Variants in PKHD1 observed in about 807,000 individuals in gnomAD.
PKHD1 encodes the protein PKHD1 ciliary IPT domain containing fibrocystin/polyductin.
PKHD1 carries 291 observed loss-of-function variants against 412.0 expected under a neutral mutation model. The observed-to-expected ratio is 0.71, with a 90% CI of 0.64 to 0.78. PKHD1 has a LOEUF of 0.78. Among genes scored for constraint, PKHD1 ranks in the 30% least tolerant of loss-of-function variants. PKHD1 has a pLI of 0.00. For synonymous variants in PKHD1, 1,777 were observed against 1,821.5 expected, an observed-to-expected ratio of 0.98 and a Z score of 0.62; for missense variants, 4,825 against 4,950.7, an observed-to-expected ratio of 0.97 and a Z score of 0.76.
At chr6:52,023,287 C>T (rs1801675607) in intron 32 of PKHD1, among the ~76,000 whole-genome samples, 1 of 152,144 alleles carries the variant, frequency 6.6e-6, no homozygotes, top group Non-Finnish European at 1.5e-5. Flanking sequence ...GACTCCCTCC[C>T]CGGAGGTACC....
chr6:51,906,384 G>A, intron 40 of PKHD1, 44 bp from the exon 41 acceptor site: 2 of 1,550,058 alleles, frequency 1.3e-6, no homozygotes, highest in Non-Finnish European at 8.9e-7. Flanking sequence ...TGGCTCCTGA[G>A]ATTCTGTTGA....
At chr6:52,063,612 T>C (rs1007605755) in intron 13 of PKHD1, among the ~76,000 whole-genome samples, 4 of 152,218 alleles carry the variant, frequency 2.6e-5, no homozygotes, top group African/African-American at 9.6e-5. Context: ...CCCAGCACTA[T>C]TGATATTTTA....
At chr6:52,035,024 G>A (rs1389908614) in intron 28 of PKHD1, among the ~76,000 whole-genome samples, 1 of 152,124 alleles carries the variant, frequency 6.6e-6, no homozygotes, top group Non-Finnish European at 1.5e-5. Context: ...TACCAGGGAA[G>A]GACCCAGACT....
intron 52 of PKHD1, among the ~76,000 whole-genome samples, chr6:51,800,107 T>C (rs1235265105): frequency 3.3e-5 from 5 of 152,156 alleles, no homozygotes; most frequent in African/African-American, 4.8e-5. Context: ...CAGATGTAAT[T>C]AAAGACTGCT....
At chr6:51,885,547 A>G (rs1313745181) in intron 45 of PKHD1, among the ~76,000 whole-genome samples, 5 of 152,160 alleles carry the variant, frequency 3.3e-5, no homozygotes, top group Non-Finnish European at 7.3e-5. Context: ...GTAGAGATGG[A>G]AAGAAGGAAT....
At chr6:52,063,829 C>T (rs1468703283) in intron 13 of PKHD1, among the ~76,000 whole-genome samples, 1 of 152,228 alleles carries the variant, frequency 6.6e-6, no homozygotes, top group Non-Finnish European at 1.5e-5. Context: ...GTAATTCGCC[C>T]AGCTTCTGTG....
intron 37 of PKHD1, among the ~76,000 whole-genome samples, chr6:51,920,965 G>T (rs1335886686): frequency 6.6e-6 from 1 of 151,990 alleles, no homozygotes; most frequent in Admixed American, 6.6e-5. Context: ...GATAGGTGGT[G>T]GTATCCCCTT....
intron 43 of PKHD1, among the ~76,000 whole-genome samples, chr6:51,896,601 G>C (rs1317764879): frequency 1.3e-5 from 2 of 152,064 alleles, no homozygotes; most frequent in African/African-American, 4.8e-5. Flanking sequence ...CTAAAAAGCA[G>C]AGCACCTCTC....
intron 6 of PKHD1, among the ~76,000 whole-genome samples, chr6:52,074,598 T>G (rs1416889783): frequency 6.6e-6 from 1 of 152,080 alleles, no homozygotes; most frequent in Non-Finnish European, 1.5e-5. Context: ...TTTCTGTGGG[T>G]TTTTGTTTTG....
Position 52,060,059 on chromosome 6 carries a change from A to G in PKHD1, c.1119-17T>C, listed in dbSNP as rs368970657. ...AGCCGTGCTCTGTAAAGTAGAACATAGAGTCAAGCAAGAGTAACCAAGGCC... is the reference window on the plus strand; with the variant it reads ...AGCCGTGCTCTGTAAAGTAGAACATGGAGTCAAGCAAGAGTAACCAAGGCC... On this transcript the variant is annotated splice_polypyrimidine_tract_variant and intron_variant, in intron 14 of 66. Transcript: ENST00000371117. 1.4e-6 allele frequency: 2 copies of G among 1,433,736 alleles called. No homozygotes were observed. The highest frequency in any genetic ancestry group is 9.8e-7 in the Non-Finnish European group (1 of 1,015,334). 88.8% of individuals were successfully genotyped at this position (1,433,736 alleles called of 1,614,324 possible). A position where few individuals can be genotyped will look rare whatever the true frequency, so the allele number is the denominator to read the frequency against.
chr6:51,672,155 T>C (rs1021272379), intron 60 of PKHD1, among the ~76,000 whole-genome samples: 1 of 152,152 alleles, frequency 6.6e-6, no homozygotes, highest in Non-Finnish European at 1.5e-5. Context: ...CAGTGTGACC[T>C]AGGGTCTGGC....
intron 50 of PKHD1, among the ~76,000 whole-genome samples, chr6:51,839,899 A>G (rs1769869352): frequency 1.3e-5 from 2 of 151,912 alleles, no homozygotes; most frequent in African/African-American, 4.8e-5. Context: ...AGCAACTGCA[A>G]TCAGTGTCTG....
intron 27 of PKHD1, 122 bp from the exon 28 acceptor site, chr6:52,035,843 A>G (rs1803862497): frequency 2.0e-6 from 2 of 977,306 alleles, no homozygotes; most frequent in African/African-American, 1.6e-5. Flanking sequence ...AACAAAGGCA[A>G]TGCTCAAACT....
intron 35 of PKHD1, among the ~76,000 whole-genome samples, chr6:51,971,166 G>T (rs1583629408): frequency 6.6e-6 from 1 of 152,216 alleles, no homozygotes; most frequent in Non-Finnish European, 1.5e-5. Flanking sequence ...TATTTTATTT[G>T]GTTTTGCATG....
intron 37 of PKHD1, among the ~76,000 whole-genome samples, chr6:51,914,839 C>G (rs1479264967): frequency 6.6e-6 from 1 of 151,994 alleles, no homozygotes; most frequent in Non-Finnish European, 1.5e-5. Flanking sequence ...CCTTTCCGCT[C>G]ATGTCCTTGC....
chr6:51,836,415 G>A lies in PKHD1; in HGVS notation c.8162C>T (p.Pro2721Leu). The change falls in exon 51 of 67, where the codon CCA becomes CTA. Residue 2721 changes from proline to leucine, a missense_variant. By Grantham distance (98) the Pro-to-Leu change is moderately conservative (BLOSUM62 -3). Transcript: ENST00000371117. The part of the protein sequence containing the change: ...VILRVKEGMP[P>L]TISASTSAPE... ...GTGTTAATACTCACCTGAAATAGTT[G>A]GGGGCATACCTTCCTTCACCCGGAG... 6.2e-7 allele frequency: 1 copy of A among 1,610,080 alleles called. No homozygotes were observed. The highest frequency in any genetic ancestry group is 8.5e-7 in the Non-Finnish European group (1 of 1,176,446).
At chr6:51,778,721 G>GA (rs1394614750) in intron 53 of PKHD1, among the ~76,000 whole-genome samples, 6 of 151,564 alleles carry the variant, frequency 4.0e-5, no homozygotes, top group Non-Finnish European at 7.4e-5. Context: ...GTAAGAATAA[G>GA]AAAAAAAGGC....
At chr6:51,996,978 T>C (rs1399943848) in intron 35 of PKHD1, among the ~76,000 whole-genome samples, 2 of 152,232 alleles carry the variant, frequency 1.3e-5, no homozygotes, top group African/African-American at 2.4e-5. Context: ...TGATCACTCA[T>C]TGGCCAAAAC....
Position 52,084,914 on chromosome 6 carries a change from G to A in PKHD1, c.20C>T (p.Ser7Phe), listed in dbSNP as rs1172301944. 6.2e-7 allele frequency: 1 copy of A among 1,607,332 alleles called. No homozygotes were observed. The highest frequency in any genetic ancestry group is 1.3e-5 in the African/African-American group (1 of 74,786). MTAWLISLMSIEVLLLA... is the reference protein window; with the variant it reads MTAWLIFLMSIEVLLLA... ...AAGTAGTACTTCAATACTCATCAGA[G>A]AGATCAGCCAGGCAGTCATTCTGTC... The change falls in exon 2 of 67, where the codon TCT (serine) becomes TTT (phenylalanine). Residue 7 changes from serine (S) to phenylalanine (F), a missense_variant. Coordinates refer to ENST00000371117, the MANE Select transcript of PKHD1 (RefSeq NM_138694.4).
Sources: allele counts gnomAD v4.1 joint callset (sites outside exome capture counted in the v4.1 genomes callset), GRCh38; gene constraint gnomAD v4.1.1; transcripts MANE v1.5; gene names NCBI Gene and HGNC (gene_info 2026-07-23, HGNC 2026-07-21).